The following MROH9 variants were observed in gnomAD, a reference collection of about 807,000 sequenced individuals.
MROH9 encodes maestro heat-like repeat-containing protein family member 9.
A neutral mutation model predicts 98.2 loss-of-function variants in MROH9; 92 were observed. The observed-to-expected ratio is 0.94, with a 90% confidence interval of 0.79 to 1.11. The LOEUF is 1.11. Ranked by LOEUF, MROH9 falls within the 50% of genes most tolerant of loss-of-function variation. MROH9 has a pLI of 0.00. For missense variants in MROH9, 1,057 were observed against 1,014.8 expected, an observed-to-expected ratio of 1.04 and a Z score of -0.57; for synonymous variants, 397 against 368.9, an observed-to-expected ratio of 1.08 and a Z score of -0.87.
intron 20 of MROH9, among the ~76,000 whole-genome samples, chr1:171,037,969 A>T (rs908993852): frequency 2.0e-5 from 3 of 151,980 alleles, no homozygotes; most frequent in Non-Finnish European, 2.9e-5. Context: ...AAAAAAGGAA[A>T]CTATAATAAT....
Position 171,014,217 on chromosome 1 carries a change from T to C in MROH9, c.1697T>C (p.Leu566Pro). 2 of 1,551,376 alleles carry C rather than the reference T, an allele frequency of 1.3e-6. No individual in the cohort carries two copies. Among genetic ancestry groups the C allele is most frequent in the South Asian group, 2.4e-5 (2 of 84,048 alleles). ...AATCCTGTAGTTAGCAGACTGATCC[T>C]TCATAGAATTGTCCACATGTCACCA... ...DSNPVVSRLI[L>P]HRIVHMSPII... The change falls in exon 16 of 22, where the codon CTT becomes CCT. Residue 566 changes from leucine to proline, a missense_variant. By Grantham distance (98) the Leu-to-Pro change is moderately conservative (BLOSUM62 -3). Coordinates refer to ENST00000367759, the MANE Select transcript of MROH9 (RefSeq NM_001163629.2).
intron 1 of MROH9, among the ~76,000 whole-genome samples, chr1:170,944,351 G>T (rs1333434054): frequency 6.6e-6 from 1 of 151,506 alleles, no homozygotes; most frequent in Non-Finnish European, 1.5e-5. Context: ...AAAGTAAGGA[G>T]AAAAACATCA....
At chr1:171,012,373 GTCC>G (rs566961161) in intron 15 of MROH9, among the ~76,000 whole-genome samples, 1 of 151,930 alleles carries the variant, frequency 6.6e-6, no homozygotes, top group Non-Finnish European at 1.5e-5. Context: ...GATGTGATCT[GTCC>G]TCCTCTCTCA....
At chr1:170,993,701 G>A (rs1466614052) in intron 12 of MROH9, among the ~76,000 whole-genome samples, 2 of 152,056 alleles carry the variant, frequency 1.3e-5, no homozygotes, top group East Asian at 3.9e-4. Context: ...TCTCCAGGGA[G>A]AGCCATGCCG....
At chr1:170,954,998 G>T (rs901273737) in intron 3 of MROH9, among the ~76,000 whole-genome samples, 1 of 151,902 alleles carries the variant, frequency 6.6e-6, no homozygotes, top group African/African-American at 2.4e-5. Context: ...GAAGTCCATT[G>T]TATCATTCTT....
At chr1:170,972,210 C>T (rs944721231) in intron 8 of MROH9, among the ~76,000 whole-genome samples, 4 of 152,050 alleles carry the variant, frequency 2.6e-5, no homozygotes, top group African/African-American at 9.7e-5. Flanking sequence ...GTATTTTTTT[C>T]TGTCTAATTG....
rs913050399 is a variant in MROH9, at chr1:170,995,429, A to G, written c.1235A>G (p.Tyr412Cys). The G allele has an allele frequency of 6.2e-7, 1 of 1,613,340 alleles. No individual in the cohort carries two copies. The highest frequency in any genetic ancestry group is 1.7e-5 in the Admixed American group (1 of 59,914). ...TGCACCTTTCTGCCTCTTGGTTCCT[A>G]CAGGAAAGCGGTGGCCCAGTATTTC... is the stretch of plus-strand genomic sequence containing the variant. ...ALCTFLPLGS[Y>C]RKAVAQYFPQ... The change falls in exon 13 of 22, where the codon TAC becomes TGC. Residue 412 changes from tyrosine to cysteine, a missense_variant. By Grantham distance (194) the Tyr-to-Cys change is radical. Coordinates refer to ENST00000367759, the MANE Select transcript of MROH9 (RefSeq NM_001163629.2).
intron 12 of MROH9, among the ~76,000 whole-genome samples, chr1:170,994,876 G>A (rs954876907): frequency 6.9e-6 from 1 of 145,388 alleles, no homozygotes; most frequent in African/African-American, 2.5e-5. Context: ...TCAATATTCA[G>A]GATTATGGCA....
intron 15 of MROH9, among the ~76,000 whole-genome samples, chr1:171,013,647 GTC>G (rs2101831541): frequency 6.6e-6 from 1 of 152,212 alleles, no homozygotes; most frequent in Non-Finnish European, 1.5e-5. Context: ...TATAGTATCA[GTC>G]TCTCTAGCTT....
intron 7 of MROH9, among the ~76,000 whole-genome samples, chr1:170,970,454 C>A (rs1650398891): frequency 6.6e-6 from 1 of 152,082 alleles, no homozygotes; most frequent in Admixed American, 6.5e-5. Flanking sequence ...AGCATTTCCC[C>A]CTAGGGCCTA....
chr1:170,959,720 G>A (rs999954368), intron 5 of MROH9, 123 bp downstream of exon 5: 2 of 817,984 alleles, frequency 2.4e-6, no homozygotes, highest in Non-Finnish European at 3.6e-6. Flanking sequence ...AGTTATAACA[G>A]TCAGGGCACT....
Position 170,966,414 on chromosome 1 carries a change from C to T in MROH9, c.480+1159C>T, listed in dbSNP as rs1028068325. ...CTGTTTCCCAACTCATCCTTCACAG[C>T]GATTTGTAAACATACTCTGCTAATT... On this transcript the variant is annotated intron_variant, in intron 7 of 21. Coordinates refer to ENST00000367759, the MANE Select transcript of MROH9 (RefSeq NM_001163629.2). Among the ~76,000 whole-genome samples, 4 of 151,982 alleles carry T rather than the reference C, an allele frequency of 2.6e-5. No individual in the cohort carries two copies. The East Asian group carries it at 5.8e-4, about 22-fold the overall frequency.
intron 8 of MROH9, among the ~76,000 whole-genome samples, chr1:170,972,829 TACACAC>T (rs3980699): frequency 8.2e-4 from 106 of 128,676 alleles, no homozygotes; most frequent in African/African-American, 1.7e-3. Context: ...AAAAAAAAAA[TACACAC>T]ACACACACAC....
chr1:170,970,262 G>A (rs1051467761), intron 7 of MROH9, among the ~76,000 whole-genome samples: 3 of 152,142 alleles, frequency 2.0e-5, no homozygotes, highest in African/African-American at 7.2e-5. Flanking sequence ...TGTAAGTGGT[G>A]CTCAGCTTCA....
chr1:171,004,607 A>T (rs546456511), intron 15 of MROH9, among the ~76,000 whole-genome samples: 2 of 152,286 alleles, frequency 1.3e-5, no homozygotes, highest in African/African-American at 2.4e-5. Context: ...ATTTGGGGGT[A>T]TCTTCCGGGT....
intron 8 of MROH9, among the ~76,000 whole-genome samples, chr1:170,978,738 A>G (rs1210631116): frequency 1.3e-5 from 2 of 151,886 alleles, no homozygotes; most frequent in Non-Finnish European, 2.9e-5. Context: ...CTGGAGTCCA[A>G]GGTCAAGAGG....
At chr1:170,994,816 T>A (rs1651498711) in intron 12 of MROH9, among the ~76,000 whole-genome samples, 1 of 152,068 alleles carries the variant, frequency 6.6e-6, no homozygotes, top group African/African-American at 2.4e-5. Context: ...TTAAAATTTT[T>A]AAATTATTTT....
intron 7 of MROH9, among the ~76,000 whole-genome samples, chr1:170,967,200 A>G (rs1188325627): frequency 6.6e-6 from 1 of 152,178 alleles, no homozygotes; most frequent in Non-Finnish European, 1.5e-5. Context: ...CGAGAAACCC[A>G]ACGGAATAAC....
intron 17 of MROH9, among the ~76,000 whole-genome samples, chr1:171,023,524 A>C (rs2101840900): frequency 6.6e-6 from 1 of 152,270 alleles, no homozygotes; most frequent in African/African-American, 2.4e-5. Context: ...CATCTTCCTA[A>C]ATTTAAGAAA....
Sources: gnomAD v4.1 joint callset for allele counts (sites outside exome capture counted in the v4.1 genomes callset) on GRCh38, gnomAD v4.1.1 for gene constraint, MANE v1.5 for transcripts, NCBI Gene and HGNC (gene_info 2026-07-23, HGNC 2026-07-21) for gene names.